Variants in RNF24 observed in about 807,000 individuals in gnomAD.
RNF24 encodes ring finger protein 24.
Under a neutral mutation model 20.0 loss-of-function variants are expected in RNF24, and 14 were observed. That is an observed-to-expected ratio of 0.70 (90% confidence interval 0.46 to 1.10). RNF24 has a LOEUF of 1.10. Ranked by LOEUF, RNF24 falls within the 50% of genes least tolerant of loss-of-function variation. RNF24 has a pLI of 0.00. For synonymous variants in RNF24, 45 were observed against 61.1 expected (o/e 0.74, Z 1.23); for missense variants, 124 against 177.6 (o/e 0.70, Z 1.71).
chr20:3,961,291 A>G (rs1169300557), intron 2 of RNF24, among the ~76,000 whole-genome samples: 2 of 151,874 alleles, frequency 1.3e-5, no homozygotes, highest in Admixed American at 6.6e-5. Context: ...AGTCCCAGCT[A>G]CTCAGGAGGC....
At chr20:3,964,524 A>AT (rs140868658) in intron 1 of RNF24, among the ~76,000 whole-genome samples, 18,622 of 150,236 alleles carry the variant, frequency 0.12, 1,396 homozygotes, top group Non-Finnish European at 0.17. Context: ...TTTTCAAGTA[A>AT]TTTTTTTTTT....
intron 1 of RNF24, among the ~76,000 whole-genome samples, chr20:3,974,781 A>G (rs373207425): frequency 6.6e-6 from 1 of 152,222 alleles, no homozygotes; most frequent in African/African-American, 2.4e-5. Flanking sequence ...AAATGCAGAG[A>G]CATACTATGT....
intron 1 of RNF24, among the ~76,000 whole-genome samples, chr20:4,001,433 A>T (rs1981380625): frequency 6.6e-6 from 1 of 152,232 alleles, no homozygotes; most frequent in Non-Finnish European, 1.5e-5. Flanking sequence ...GGGGTTATTC[A>T]TCAAGTGCTT....
At chr20:3,974,016 C>G (rs1356973628) in intron 1 of RNF24, among the ~76,000 whole-genome samples, 1 of 150,700 alleles carries the variant, frequency 6.6e-6, no homozygotes, top group African/African-American at 2.4e-5. Flanking sequence ...TTTACAACAC[C>G]ATGACCAAGT....
At chr20:3,943,384 A>G (rs2090980446) in intron 4 of RNF24, among the ~76,000 whole-genome samples, 2 of 152,036 alleles carry the variant, frequency 1.3e-5, no homozygotes, top group Non-Finnish European at 2.9e-5. Context: ...AGCTAAAACA[A>G]TTTTGGAAAA....
intron 1 of RNF24, among the ~76,000 whole-genome samples, chr20:4,009,135 G>A (rs1028054544): frequency 6.6e-6 from 1 of 152,166 alleles, no homozygotes; most frequent in Non-Finnish European, 1.5e-5. Flanking sequence ...TCCTGGAGCT[G>A]ACCTTCTATT....
chr20:3,942,006 G>A (rs895538550), intron 4 of RNF24, among the ~76,000 whole-genome samples: 6 of 151,188 alleles, frequency 4.0e-5, no homozygotes, highest in African/African-American at 1.2e-4. Context: ...CCCAGGAGGC[G>A]GAGGTTGCAG....
At chr20:3,989,599 T>C (rs1038496894) in intron 1 of RNF24, among the ~76,000 whole-genome samples, 1 of 152,242 alleles carries the variant, frequency 6.6e-6, no homozygotes, top group African/African-American at 2.4e-5. Context: ...TATTTTCAGC[T>C]TTCCATCTTC....
intron 1 of RNF24, among the ~76,000 whole-genome samples, chr20:3,993,589 A>C (rs939041289): frequency 6.6e-6 from 1 of 152,136 alleles, no homozygotes; most frequent in Non-Finnish European, 1.5e-5. Context: ...TCCTGGCCAC[A>C]TATCTGAAAT....
chr20:4,008,527 T>C (rs1250630916), intron 1 of RNF24, among the ~76,000 whole-genome samples: 1 of 118,234 alleles, frequency 8.5e-6, no homozygotes, highest in Admixed American at 1.2e-4. Flanking sequence ...ATTATATATA[T>C]ATTATTTATA....
intron 4 of RNF24, among the ~76,000 whole-genome samples, chr20:3,936,212 T>C (rs1039311518): frequency 6.6e-6 from 1 of 152,126 alleles, no homozygotes; most frequent in Admixed American, 6.6e-5. Context: ...AGGAGGAGAA[T>C]GGATAACTGT....
intron 1 of RNF24, among the ~76,000 whole-genome samples, chr20:3,972,617 C>G (rs1043955518): frequency 6.6e-6 from 1 of 152,156 alleles, no homozygotes; most frequent in African/African-American, 2.4e-5. Flanking sequence ...AATGAAAATA[C>G]AGGCTGGGTG....
chr20:3,932,199 C>T lies in RNF24; in HGVS notation c.*1864G>A, dbSNP rs906529563. On this transcript the variant is annotated 3_prime_UTR_variant, in exon 6 of 6. Transcript: ENST00000358395. ...GCAAGCCTCCTTCTGATATTGGTCA[C>T]TGAAAACAGCTCACTATAAACGGGG... The T allele has an allele frequency of 6.6e-6, 1 of 152,218 alleles. No individual in the cohort carries two copies. The highest frequency in any genetic ancestry group is 2.4e-5 in the African/African-American group (1 of 41,446). 9.4% of individuals were successfully genotyped at this position (152,218 alleles called of 1,614,324 possible).
intron 4 of RNF24, among the ~76,000 whole-genome samples, chr20:3,943,991 C>T (rs537837112): frequency 8.5e-5 from 13 of 152,168 alleles, no homozygotes; most frequent in Non-Finnish European, 1.0e-4. Context: ...GGGTGGATTA[C>T]GTGAGGTCAG....
At chr20:3,983,705 C>T (rs1979625261) in intron 1 of RNF24, among the ~76,000 whole-genome samples, 1 of 152,044 alleles carries the variant, frequency 6.6e-6, no homozygotes, top group Non-Finnish European at 1.5e-5. Flanking sequence ...CTTTGGGAGG[C>T]CGAGGCGGGC....
At chr20:3,953,085 T>G (rs974907230) in intron 2 of RNF24, among the ~76,000 whole-genome samples, 1 of 152,226 alleles carries the variant, frequency 6.6e-6, no homozygotes, top group Non-Finnish European at 1.5e-5. Flanking sequence ...ATTTTTTTCC[T>G]TAAATGTTTG....
rs2090779458 is a variant in RNF24, at chr20:3,929,161, ATT to A, written c.*4900_*4901del. 1 of 152,178 alleles carries A rather than the reference ATT, an allele frequency of 6.6e-6. No individual in the cohort carries two copies. The highest frequency in any genetic ancestry group is 1.5e-5 in the Non-Finnish European group (1 of 68,068). The allele number at this position is 152,178 out of a possible 1,614,324, so 9.4% of individuals were successfully genotyped here. A position where few individuals can be genotyped will look rare whatever the true frequency, so the allele number is the denominator to read the frequency against. On this transcript the variant is annotated 3_prime_UTR_variant, in exon 6 of 6. Transcript: ENST00000358395. ...TGAGCCATCGCGCCCGACCAGAAGC[ATT>A]TTCTTTTCAAAGTGTGTGCACAGAG...
rs2090755855 is a variant in RNF24, at chr20:3,928,219, C to T, written c.*5844G>A. ...CCCAGGGCCAGAGATTCTACAAATG[C>T]CAGAAGAGTGGATGTGATAGAGAAT... On this transcript the variant is annotated 3_prime_UTR_variant, in exon 6 of 6. Transcript: ENST00000358395. 6.6e-6 allele frequency: 1 copy of T among 152,206 alleles called. No individual in the cohort carries two copies. The highest frequency in any genetic ancestry group is 2.1e-4 in the South Asian group (1 of 4,822). The allele number at this position is 152,206 out of a possible 1,614,324, so 9.4% of individuals were successfully genotyped here.
intron 1 of RNF24, among the ~76,000 whole-genome samples, chr20:4,006,989 C>T (rs1177624403): frequency 6.6e-6 from 1 of 152,234 alleles, no homozygotes; most frequent in East Asian, 1.9e-4. Flanking sequence ...TCTTTTAGAA[C>T]CCTCAATTTA....
Sources: allele counts gnomAD v4.1 joint callset (sites outside exome capture counted in the v4.1 genomes callset), GRCh38; gene constraint gnomAD v4.1.1; transcripts MANE v1.5; gene names NCBI Gene and HGNC (gene_info 2026-07-23, HGNC 2026-07-21).